Variants in QPCT observed in about 807,000 individuals in gnomAD.
QPCT encodes EC.
QPCT carries 44 observed loss-of-function variants against 43.4 expected under a neutral mutation model. That is an observed-to-expected ratio of 1.01 (90% CI 0.80 to 1.30). QPCT has a LOEUF of 1.30. Among genes scored for constraint, QPCT ranks in the 50% most tolerant of loss-of-function variants. The probability of loss-of-function intolerance (pLI) is 0.00; values close to 1 mark genes in which losing one functional copy is unlikely to be tolerated. For missense variants in QPCT, 526 were observed against 436.5 expected (o/e 1.21, Z -1.83); for synonymous variants, 168 against 168.4 (o/e 1.00, Z 0.02).
chr2:37,367,468 T>G (rs1672985480), intron 4 of QPCT, 60 bp downstream of exon 4: 1 of 1,542,678 alleles, frequency 6.5e-7, no homozygotes, highest in Non-Finnish European at 8.8e-7. Flanking sequence ...AGGAAAAGGT[T>G]GCAAAAGCCA....
chr2:37,369,214 C>T (rs890947274), intron 4 of QPCT, among the ~76,000 whole-genome samples: 1 of 152,100 alleles, frequency 6.6e-6, no homozygotes, highest in Non-Finnish European at 1.5e-5. Flanking sequence ...TTATATAGCT[C>T]CTGTACAAGG....
chr2:37,372,643 A>G, intron 6 of QPCT, 39 bp from the exon 7 acceptor site: 1 of 1,598,496 alleles, frequency 6.3e-7, no homozygotes, highest in Non-Finnish European at 8.6e-7. Context: ...TACTCACTGG[A>G]GTAATGCACA....
rs554327570 is a variant in QPCT at position 37,346,551 on chromosome 2, G to T, written c.120+1700G>T. On this transcript the variant is annotated intron_variant, in intron 1 of 6. Coordinates refer to ENST00000338415, the MANE Select transcript of QPCT (RefSeq NM_012413.4). ...CAGGGGGTATTTATGGGTGGGAAAA[G>T]GTGCTGTGATTCTTAAAATATTTTA... Among the ~76,000 whole-genome samples the T allele has an allele frequency of 4.6e-5, 7 of 152,282 alleles. No homozygotes were observed. In the South Asian group the frequency reaches 1.4e-3, roughly 32 times the overall value.
At chr2:37,352,742 CAT>C (rs767568498) in intron 1 of QPCT, 45 bp from the exon 2 acceptor site, 91 of 1,594,458 alleles carry the variant, frequency 5.7e-5, no homozygotes, top group Non-Finnish European at 7.6e-5. Flanking sequence ...GAGTCTTAAA[CAT>C]GTTATGAAAG....
In QPCT at chr2:37,344,708, C is replaced by A. The variant is rs1423290793; in HGVS notation, c.-24C>A. 6.3e-7 allele frequency: 1 copy of A among 1,587,130 alleles called. No individual in the cohort carries two copies. The highest frequency in any genetic ancestry group is 2.3e-5 in the East Asian group (1 of 42,866). On this transcript the variant is annotated 5_prime_UTR_variant, in exon 1 of 7. Coordinates refer to ENST00000338415, the MANE Select transcript of QPCT (RefSeq NM_012413.4). ...CGTGACCGCCAGCGGCCCGGGGAAC[C>A]CGCTCCCAGACAGACTCGGAGAGAT... is the stretch of plus-strand genomic sequence containing the variant.
At chr2:37,367,100 C>T in intron 3 of QPCT, 132 bp from the exon 4 acceptor site, 1 of 1,026,360 alleles carries the variant, frequency 9.7e-7, no homozygotes, top group Non-Finnish European at 1.4e-6. Flanking sequence ...TAAATTTTGC[C>T]ATAGTTTCAC....
At chr2:37,362,008 G>T (rs1197136623) in intron 3 of QPCT, among the ~76,000 whole-genome samples, 2 of 152,206 alleles carry the variant, frequency 1.3e-5, no homozygotes, top group Non-Finnish European at 2.9e-5. Flanking sequence ...AAAAGAGCAG[G>T]TTGCCTCATG....
At chr2:37,357,946 C>G (rs1426033165) in intron 2 of QPCT, among the ~76,000 whole-genome samples, 2 of 152,016 alleles carry the variant, frequency 1.3e-5, no homozygotes, top group Admixed American at 6.6e-5. Flanking sequence ...TAAGGTCCAT[C>G]CCAGATCTAA....
At position 37,372,771 on chromosome 2, in the gene QPCT, A is replaced by G. The variant is rs1275365685; in HGVS notation, c.1030A>G (p.Ile344Val). 5 of 1,613,242 alleles carry G rather than the reference A, an allele frequency of 3.1e-6. No homozygotes were observed. The South Asian group carries it at 3.3e-5, about 11-fold the overall frequency. The change falls in exon 7 of 7, where the codon ATT becomes GTT. Residue 344 changes from isoleucine to valine, a missense_variant. Transcript: ENST00000338415. ...TGAAGAAAATTTGGATGAATCAACC[A>G]TTGACAATCTAAACAAAATCCTACA... ...DNEENLDEST[I>V]DNLNKILQVF...
chr2:37,350,335 A>G (rs1002571201), intron 1 of QPCT, among the ~76,000 whole-genome samples: 5 of 152,214 alleles, frequency 3.3e-5, no homozygotes, highest in Non-Finnish European at 5.9e-5. Flanking sequence ...TTGCCTCCAT[A>G]TTCTTCTTAT....
intron 1 of QPCT, among the ~76,000 whole-genome samples, chr2:37,345,250 G>C (rs1425715072): frequency 6.6e-6 from 1 of 152,234 alleles, no homozygotes; most frequent in Non-Finnish European, 1.5e-5. Flanking sequence ...AGGGTGCGGG[G>C]TGCGCCTGGG....
intron 1 of QPCT, among the ~76,000 whole-genome samples, chr2:37,346,589 T>G (rs1158361455): frequency 6.6e-6 from 1 of 152,238 alleles, no homozygotes; most frequent in East Asian, 1.9e-4. Flanking sequence ...CCAATGAGAA[T>G]TTAACTTTTG....
At chr2:37,354,068 TTGGCCAGGATG>T (rs1672683479) in intron 2 of QPCT, among the ~76,000 whole-genome samples, 2 of 152,254 alleles carry the variant, frequency 1.3e-5, no homozygotes, top group African/African-American at 4.8e-5. Context: ...TTTCACCACG[TTGGCCAGGATG>T]GTCTCTTATC....
intron 2 of QPCT, among the ~76,000 whole-genome samples, chr2:37,358,473 C>CAAAA (rs1672793667): frequency 2.2e-5 from 3 of 138,850 alleles, no homozygotes; most frequent in Non-Finnish European, 3.0e-5. Flanking sequence ...AACAAACAAA[C>CAAAA]AAAAAACCAA....
chr2:37,369,408 T>A (rs1486261629), intron 4 of QPCT, among the ~76,000 whole-genome samples: 2 of 152,242 alleles, frequency 1.3e-5, no homozygotes, highest in Non-Finnish European at 2.9e-5. Context: ...TTCATCCAAA[T>A]GTCTTCTTCC....
chr2:37,356,112 T>C (rs534908995), intron 2 of QPCT, among the ~76,000 whole-genome samples: 1 of 152,344 alleles, frequency 6.6e-6, no homozygotes, highest in African/African-American at 2.4e-5. Flanking sequence ...ACTGATGTCA[T>C]TGTTTCTCAG....
chr2:37,363,155 G>A (rs377713044), intron 3 of QPCT, among the ~76,000 whole-genome samples: 42 of 152,248 alleles, frequency 2.8e-4, no homozygotes, highest in East Asian at 9.7e-4. Context: ...GAACCACCCC[G>A]CAGAAAAATC....
chr2:37,346,529 G>T (rs544340255), intron 1 of QPCT, among the ~76,000 whole-genome samples: 1 of 152,118 alleles, frequency 6.6e-6, no homozygotes, highest in Non-Finnish European at 1.5e-5. Context: ...GTGTAGGCAG[G>T]GGGTATTTAT....
chr2:37,364,297 G>A (rs978142103), intron 3 of QPCT, among the ~76,000 whole-genome samples: 1 of 152,192 alleles, frequency 6.6e-6, no homozygotes, highest in Non-Finnish European at 1.5e-5. Context: ...TCAGCTCACT[G>A]GGGGTCCCAT....
Sources: allele counts gnomAD v4.1 joint callset (sites outside exome capture counted in the v4.1 genomes callset), GRCh38; gene constraint gnomAD v4.1.1; transcripts MANE v1.5; gene names NCBI Gene and HGNC (gene_info 2026-07-23, HGNC 2026-07-21).